Variants in LMO7 observed in about 807,000 individuals in gnomAD.
The protein encoded by LMO7 is LIM domain 7.
In LMO7, 120 loss-of-function variants were observed where a neutral mutation model predicts 206.5. That is an observed-to-expected ratio of 0.58 (90% confidence interval 0.50 to 0.68). LMO7 has a LOEUF of 0.68. LMO7 is among the 30% of genes least tolerant of loss of function. The pLI is 0.00. For missense variants in LMO7, 1,959 were observed against 1,957.9 expected (o/e 1.00, Z -0.01); for synonymous variants, 706 against 681.5 (o/e 1.04, Z -0.56).
chr13:75,809,189 T>C lies in LMO7; in HGVS notation c.1946+6T>C. ...AAGATTTATGGTGAGAATGGGTAAG[T>C]TGTGTGGTTCACAGTAAAAAATCTG... On this transcript the variant is annotated splice_donor_region_variant and intron_variant, in intron 11 of 30. Coordinates refer to ENST00000377534, the MANE Select transcript of LMO7 (RefSeq NM_001306080.2). 1 of 1,611,562 alleles carries C rather than the reference T, an allele frequency of 6.2e-7. No homozygotes were observed. Among genetic ancestry groups the C allele is most frequent in the Non-Finnish European group, 8.5e-7 (1 of 1,178,012 alleles).
In LMO7 at chr13:75,842,001, G is replaced by A. The variant is rs2059586637; in HGVS notation, c.4031+18G>A. 1.3e-6 allele frequency: 2 copies of A among 1,584,172 alleles called. No individual in the cohort carries two copies. Among genetic ancestry groups the A allele is most frequent in the Non-Finnish European group, 8.6e-7 (1 of 1,159,154 alleles). On this transcript the variant is annotated intron_variant, in intron 24 of 30. Coordinates refer to ENST00000377534, the MANE Select transcript of LMO7 (RefSeq NM_001306080.2). The stretch of plus-strand genomic sequence containing the variant: ...TACAGGAGGTATGTCCCCACAGCCA[G>A]AGGGTACAAAGGCTTAGCTGTATCC...
chr13:75,850,202 A>G (rs2060377446), intron 27 of LMO7, among the ~76,000 whole-genome samples: 1 of 152,210 alleles, frequency 6.6e-6, no homozygotes, highest in African/African-American at 2.4e-5. Context: ...AAACATCAAT[A>G]CTAGTCCTAA....
At chr13:75,633,816 T>C (rs2035324069), upstream of LMO7, among the ~76,000 whole-genome samples, 2 of 151,804 alleles carry the variant, frequency 1.3e-5, no homozygotes, top group South Asian at 4.2e-4. Context: ...TGTTTATTTA[T>C]GTTTATGTAG....
chr13:75,751,130 CTCAGCTCTTTTT>C, intron 3 of LMO7, among the ~76,000 whole-genome samples: 4 of 138,954 alleles, frequency 2.9e-5, no homozygotes, highest in African/African-American at 5.3e-5. Flanking sequence ...TCATCATGTA[CTCAGCTCTTTTT>C]TCAGCTCTTT....
chr13:75,635,728 G>A (rs1023681750), upstream of LMO7: 1 of 152,068 alleles, frequency 6.6e-6, no homozygotes, highest in African/African-American at 2.4e-5. Context: ...AACTCCGCCG[G>A]GGGGAAGCGG....
chr13:75,632,368 A>G (rs2035061154), upstream of LMO7, among the ~76,000 whole-genome samples: 1 of 152,170 alleles, frequency 6.6e-6, no homozygotes, highest in Non-Finnish European at 1.5e-5. Flanking sequence ...TTTCCATATA[A>G]CTATTTGAAC....
At chr13:75,734,198 G>A (rs1402459719) in intron 3 of LMO7, among the ~76,000 whole-genome samples, 1 of 152,170 alleles carries the variant, frequency 6.6e-6, no homozygotes, top group East Asian at 1.9e-4. Flanking sequence ...TCAGGATTTT[G>A]TGTATAAAAT....
chr13:75,798,100 G>T, intron 6 of LMO7, among the ~76,000 whole-genome samples: 1 of 152,232 alleles, frequency 6.6e-6, no homozygotes, highest in East Asian at 1.9e-4. Context: ...GCTGGGCACA[G>T]TGGCTCATGC....
chr13:75,623,692 T>G (rs540544916), intron 2 of LMO7, among the ~76,000 whole-genome samples: 1 of 152,200 alleles, frequency 6.6e-6, no homozygotes, highest in South Asian at 2.1e-4. Flanking sequence ...ATAATTAAAT[T>G]GGTAATTTAT....
At chr13:75,796,598 GAC>G in intron 5 of LMO7, 36 bp from the exon 6 acceptor site, 1 of 1,290,122 alleles carries the variant, frequency 7.8e-7, no homozygotes. Context: ...GTTGCTAATC[GAC>G]TGATCTTGTT....
intron 1 of LMO7, among the ~76,000 whole-genome samples, chr13:75,710,101 A>G (rs2042969398): frequency 1.3e-5 from 2 of 152,160 alleles, no homozygotes; most frequent in African/African-American, 4.8e-5. Context: ...CAAAGATCAG[A>G]TAGTTGTAGA....
At chr13:75,775,338 C>T (rs1167960281) in intron 4 of LMO7, among the ~76,000 whole-genome samples, 1 of 151,932 alleles carries the variant, frequency 6.6e-6, no homozygotes, top group East Asian at 1.9e-4. Context: ...AAATGTAAGG[C>T]CTGAAACTAT....
chr13:75,841,631 C>G lies in LMO7; in HGVS notation c.3679C>G (p.Leu1227Val). The change falls in exon 24 of 31, where the codon CTG (leucine) becomes GTG (valine). Residue 1227 changes from leucine (L) to valine (V), a missense_variant. Leu to Val is a conservative substitution (Grantham distance 32, BLOSUM62 1). Transcript: ENST00000377534. ...TCTTTTTTCACTGGTCACCTAGGAA[C>G]TGATGGTCCTAAGCTCAAACAGCAT... ...RENSKYLDEELMVLSSNSMSL... is the reference protein window; with the variant it reads ...RENSKYLDEEVMVLSSNSMSL... 1 of 1,601,934 alleles carries G rather than the reference C, an allele frequency of 6.2e-7. No homozygotes were observed. Among genetic ancestry groups the G allele is most frequent in the East Asian group, 2.2e-5 (1 of 44,768 alleles).
At chr13:75,672,376 G>A (rs2039661545) in intron 1 of LMO7, among the ~76,000 whole-genome samples, 1 of 151,790 alleles carries the variant, frequency 6.6e-6, no homozygotes, top group South Asian at 2.1e-4. Flanking sequence ...TGAGTAGCTG[G>A]GATTACAGGC....
At chr13:75,845,965 C>T (rs575355286) in intron 26 of LMO7, among the ~76,000 whole-genome samples, 2 of 152,262 alleles carry the variant, frequency 1.3e-5, no homozygotes, top group Admixed American at 6.5e-5. Context: ...TGGTCATTTA[C>T]ATGAATGAAT....
chr13:75,808,041 T>C lies in LMO7; in HGVS notation c.1758T>C (p.Asp586=). ...TTCCTTCATATCGGCAGAAGAAAGA[T>C]GACATGCTGACACGTAAGATTCAGT... ...ILVPSYRQKK[D]DMLTRKIQSW... is the part of the protein sequence containing the mutation. Residue 586 remains aspartate, a synonymous_variant, in exon 10 of 31, where the codon GAT becomes GAC. Coordinates refer to ENST00000377534, the MANE Select transcript of LMO7 (RefSeq NM_001306080.2). The C allele has an allele frequency of 1.9e-6, 3 of 1,613,918 alleles. No individual in the cohort carries two copies. The highest frequency in any genetic ancestry group is 1.1e-5 in the South Asian group (1 of 91,080).
At chr13:75,660,097 A>C (rs1295576139) in intron 1 of LMO7, among the ~76,000 whole-genome samples, 1 of 152,230 alleles carries the variant, frequency 6.6e-6, no homozygotes, top group African/African-American at 2.4e-5. Context: ...ATGTTCTTGT[A>C]AAACAACTCG....
At chr13:75,674,920 T>C (rs2039881172) in intron 1 of LMO7, among the ~76,000 whole-genome samples, 1 of 152,224 alleles carries the variant, frequency 6.6e-6, no homozygotes, top group South Asian at 2.1e-4. Context: ...ACAAGTGATA[T>C]CTTGTTGAAA....
chr13:75,713,219 G>T lies in LMO7; in HGVS notation c.107G>T (p.Arg36Leu). The change falls in exon 2 of 31, where the codon CGA becomes CTA. Residue 36 changes from arginine to leucine, a missense_variant. Transcript: ENST00000377534. ...TEKNFETKDF[R>L]ASLENGVLLC... ...AAGAATTTTGAAACAAAAGATTTTC[G>T]AGCCTCTCTAGAAAATGGTGTTCTG... The T allele has an allele frequency of 6.2e-7, 1 of 1,611,206 alleles. No individual in the cohort carries two copies. The highest frequency in any genetic ancestry group is 8.5e-7 in the Non-Finnish European group (1 of 1,178,352).
Sources: allele counts gnomAD v4.1 joint callset (sites outside exome capture counted in the v4.1 genomes callset), GRCh38; gene constraint gnomAD v4.1.1; transcripts MANE v1.5; gene names NCBI Gene and HGNC (gene_info 2026-07-23, HGNC 2026-07-21).